PPP2R5E: variants seen among roughly 807,000 people sequenced by gnomAD.
PPP2R5E encodes the protein protein phosphatase 2 regulatory subunit B'epsilon, also known as serine/threonine-protein phosphatase 2A 56 kDa regulatory subunit epsilon isoform.
A neutral mutation model predicts 65.3 loss-of-function variants in PPP2R5E; 4 were observed. That is an observed-to-expected ratio of 0.06 (90% CI 0.03 to 0.14). The LOEUF (loss-of-function observed/expected upper bound fraction) is 0.14, where lower values mean the gene tolerates loss of function less well. Ranked by LOEUF, PPP2R5E falls within the 10% of genes least tolerant of loss-of-function variation. The probability of loss-of-function intolerance (pLI) is 1.00; values close to 1 mark genes in which losing one functional copy is unlikely to be tolerated. For missense variants in PPP2R5E, 274 were observed against 556.1 expected, an observed-to-expected ratio of 0.49 and a Z score of 5.10; for synonymous variants, 183 against 187.4, an observed-to-expected ratio of 0.98 and a Z score of 0.19.
chr14:63,428,733 G>A (rs1887472247), intron 3 of PPP2R5E, among the ~76,000 whole-genome samples: 1 of 152,152 alleles, frequency 6.6e-6, no homozygotes, highest in East Asian at 1.9e-4. Flanking sequence ...AACAAAAGAG[G>A]AAGAAGCATT....
intron 4 of PPP2R5E, among the ~76,000 whole-genome samples, chr14:63,420,627 G>A (rs1886954306): frequency 1.3e-5 from 2 of 152,170 alleles, no homozygotes; most frequent in South Asian, 4.1e-4. Context: ...TGTACTTGCA[G>A]AAACTTTGAG....
At chr14:63,459,807 C>G (rs904832653) in intron 2 of PPP2R5E, among the ~76,000 whole-genome samples, 3 of 152,138 alleles carry the variant, frequency 2.0e-5, no homozygotes, top group African/African-American at 7.2e-5. Context: ...TTCTTTCATC[C>G]CCTCCTCCTT....
chr14:63,484,238 T>A (rs1890862976), intron 2 of PPP2R5E, among the ~76,000 whole-genome samples: 1 of 151,940 alleles, frequency 6.6e-6, no homozygotes, highest in African/African-American at 2.4e-5. Context: ...AAGTCTGGAC[T>A]GGAGAAAATT....
chr14:63,502,058 C>G (rs1891918483), intron 2 of PPP2R5E, among the ~76,000 whole-genome samples: 1 of 152,098 alleles, frequency 6.6e-6, no homozygotes, highest in Non-Finnish European at 1.5e-5. Context: ...TCACGCCCAG[C>G]TAATTTTTGT....
intron 8 of PPP2R5E, among the ~76,000 whole-genome samples, chr14:63,393,024 A>G (rs368156531): frequency 1.3e-5 from 2 of 152,322 alleles, no homozygotes. Context: ...ATGTGAAAAT[A>G]CTGATTGATT....
chr14:63,511,757 C>G (rs1255641), intron 2 of PPP2R5E, among the ~76,000 whole-genome samples: 1 of 151,900 alleles, frequency 6.6e-6, no homozygotes, highest in African/African-American at 2.4e-5. Context: ...TGATAGAGAG[C>G]TGAGTTCTCT....
intron 2 of PPP2R5E, among the ~76,000 whole-genome samples, chr14:63,528,982 A>G (rs981808172): frequency 3.9e-5 from 6 of 152,234 alleles, no homozygotes; most frequent in African/African-American, 1.4e-4. Flanking sequence ...TAAAGATTAT[A>G]AGAAACAACA....
intron 4 of PPP2R5E, among the ~76,000 whole-genome samples, chr14:63,418,039 CTA>C (rs1475274023): frequency 7.9e-5 from 12 of 152,156 alleles, no homozygotes. Context: ...CCTTATAAAA[CTA>C]TGTTTTTCTC....
In PPP2R5E at chr14:63,399,366, C is replaced by CTTTCTTTT. The variant is rs1885604828; in HGVS notation, c.550-2651_550-2650insAAAAGAAA. On this transcript the variant is annotated intron_variant, in intron 5 of 13. Transcript: ENST00000337537. ...GCTACTAATAGGTCTGGATTTCTTT[C>CTTTCTTTT]TTTTTTTTTTTTTTTTTTTTTTTTT... Among the ~76,000 whole-genome samples the CTTTCTTTT allele has an allele frequency of 2.6e-3, 124 of 48,542 alleles. 3 individuals are homozygous for CTTTCTTTT. The highest frequency in any genetic ancestry group is 4.1e-3 in the Non-Finnish European group (113 of 27,626). 31.8% of individuals were successfully genotyped at this position (48,542 alleles called of 152,430 possible).
intron 3 of PPP2R5E, among the ~76,000 whole-genome samples, chr14:63,441,243 G>A (rs1888222905): frequency 2.6e-5 from 4 of 152,110 alleles, no homozygotes; most frequent in Admixed American, 2.6e-4. Context: ...AGACTCTAAG[G>A]ATTAAGTATA....
intron 3 of PPP2R5E, chr14:63,453,229 T>C (rs1394883781): frequency 6.6e-6 from 1 of 152,576 alleles, no homozygotes. Flanking sequence ...AGAGAAGCGT[T>C]AGTTATAAAG....
chr14:63,426,124 A>C (rs1489028607), intron 3 of PPP2R5E, among the ~76,000 whole-genome samples: 1 of 152,244 alleles, frequency 6.6e-6, no homozygotes, highest in Non-Finnish European at 1.5e-5. Context: ...AATGGGAAAG[A>C]ATGGCAAAGC....
chr14:63,504,446 G>T (rs1344960090), intron 2 of PPP2R5E, among the ~76,000 whole-genome samples: 1 of 152,132 alleles, frequency 6.6e-6, no homozygotes, highest in African/African-American at 2.4e-5. Flanking sequence ...GCCAGGCGTG[G>T]TGGCTCACGC....
chr14:63,433,734 TG>T (rs1383014718), intron 3 of PPP2R5E, among the ~76,000 whole-genome samples: 4 of 152,208 alleles, frequency 2.6e-5, no homozygotes, highest in Non-Finnish European at 5.9e-5. Flanking sequence ...TACCTGGTTT[TG>T]GGAGAATGGG....
chr14:63,533,499 T>G (rs556556456), intron 2 of PPP2R5E, among the ~76,000 whole-genome samples: 5 of 152,128 alleles, frequency 3.3e-5, no homozygotes, highest in African/African-American at 1.2e-4. Context: ...AGGCAGAGGC[T>G]GTGGTGAGCC....
chr14:63,441,774 G>T (rs1480754404), intron 3 of PPP2R5E, among the ~76,000 whole-genome samples: 1 of 152,136 alleles, frequency 6.6e-6, no homozygotes, highest in East Asian at 1.9e-4. Flanking sequence ...CTCGGGTGTG[G>T]TGGCGGGCAC....
rs545326094 is a variant in PPP2R5E at position 63,446,515 on chromosome 14, G to C, written c.354+7174C>G. Among the ~76,000 whole-genome samples the C allele has an allele frequency of 2.0e-5, 3 of 152,220 alleles. No individual in the cohort carries two copies. In the South Asian group the frequency reaches 6.2e-4, roughly 32 times the overall value. On this transcript the variant is annotated intron_variant, in intron 3 of 13. Coordinates refer to ENST00000337537, the MANE Select transcript of PPP2R5E (RefSeq NM_006246.5). ...TCCTTGACCCATGAGCTGAAGATTG[G>C]ATGGTATGTCAGCAGGCATGAAAAC...
intron 2 of PPP2R5E, among the ~76,000 whole-genome samples, chr14:63,462,609 A>T (rs1447418072): frequency 6.6e-6 from 1 of 152,198 alleles, no homozygotes; most frequent in African/African-American, 2.4e-5. Context: ...GTAGGTACGT[A>T]ATGTTAGTTG....
At chr14:63,386,455 T>C (rs1313432768) in intron 11 of PPP2R5E, among the ~76,000 whole-genome samples, 2 of 152,208 alleles carry the variant, frequency 1.3e-5, no homozygotes, top group Non-Finnish European at 1.5e-5. Flanking sequence ...CTCTTTACTC[T>C]GTTATCCCTA....
Sources: allele counts gnomAD v4.1 joint callset (sites outside exome capture counted in the v4.1 genomes callset), GRCh38; gene constraint gnomAD v4.1.1; transcripts MANE v1.5; gene names NCBI Gene and HGNC (gene_info 2026-07-23, HGNC 2026-07-21).